TBL1XR1: variants seen among roughly 807,000 people sequenced by gnomAD.
TBL1XR1 encodes the protein TBL1X/Y related 1.
In TBL1XR1, 5 loss-of-function variants were observed where a neutral mutation model predicts 66.9. The observed-to-expected ratio is 0.07, with a 90% CI of 0.04 to 0.16. The LOEUF (loss-of-function observed/expected upper bound fraction) is 0.16, where lower values mean the gene tolerates loss of function less well. Ranked by LOEUF, TBL1XR1 falls within the 10% of genes least tolerant of loss-of-function variation. The pLI, the probability that TBL1XR1 is intolerant of heterozygous loss-of-function variation, is 1.00. For synonymous variants in TBL1XR1, 210 were observed against 206.0 expected, an observed-to-expected ratio of 1.02 and a Z score of -0.17; for missense variants, 238 against 623.2, an observed-to-expected ratio of 0.38 and a Z score of 6.58.
intron 7 of TBL1XR1, among the ~76,000 whole-genome samples, chr3:177,049,402 T>C (rs1716749533): frequency 6.6e-6 from 1 of 152,138 alleles, no homozygotes; most frequent in Non-Finnish European, 1.5e-5. Flanking sequence ...GAAGTCAAAG[T>C]TTTTTGTAAG....
chr3:177,126,307 T>A (rs1727625342), intron 1 of TBL1XR1, among the ~76,000 whole-genome samples: 1 of 152,232 alleles, frequency 6.6e-6, no homozygotes, highest in African/African-American at 2.4e-5. Flanking sequence ...GGATCACACT[T>A]TGAGAACTAC....
intron 1 of TBL1XR1, among the ~76,000 whole-genome samples, chr3:177,120,223 C>A (rs1726824326): frequency 6.6e-6 from 1 of 152,012 alleles, no homozygotes; most frequent in Non-Finnish European, 1.5e-5. Context: ...TAATGGCTTT[C>A]CCTTTTCCTC....
intron 3 of TBL1XR1, among the ~76,000 whole-genome samples, chr3:177,058,907 G>A (rs1206610616): frequency 6.6e-6 from 1 of 152,066 alleles, no homozygotes; most frequent in East Asian, 1.9e-4. Flanking sequence ...TACAAAAAGA[G>A]GAGAAAAACT....
chr3:177,159,780 A>G (rs1307855799), intron 1 of TBL1XR1, among the ~76,000 whole-genome samples: 1 of 152,236 alleles, frequency 6.6e-6, no homozygotes, highest in East Asian at 1.9e-4. Flanking sequence ...AGTAAAGACT[A>G]ATGATGGCCA....
intron 1 of TBL1XR1, among the ~76,000 whole-genome samples, chr3:177,189,664 A>AAAAATTAAAACTTC (rs57549428): frequency 1.4e-5 from 2 of 141,884 alleles, no homozygotes; most frequent in Non-Finnish European, 1.5e-5. Context: ...AAAAAAAAAA[A>AAAAATTAAAACTTC]AGAAGGATGT....
intron 1 of TBL1XR1, among the ~76,000 whole-genome samples, chr3:177,117,916 A>G (rs781153170): frequency 4.6e-5 from 7 of 152,230 alleles, no homozygotes; most frequent in African/African-American, 1.4e-4. Flanking sequence ...TGACCCCCTC[A>G]ATTTGCTATT....
chr3:177,080,672 T>G (rs1721285873), intron 2 of TBL1XR1, among the ~76,000 whole-genome samples: 1 of 151,976 alleles, frequency 6.6e-6, no homozygotes, highest in African/African-American at 2.4e-5. Context: ...TTTAAAAGAG[T>G]GTCTCCATGT....
intron 2 of TBL1XR1, among the ~76,000 whole-genome samples, chr3:177,071,031 G>GT (rs764951521): frequency 0.11 from 11,398 of 104,610 alleles, 1,073 homozygotes; most frequent in Admixed American, 0.18. Context: ...CTGAGAATCT[G>GT]TTTTTTTTTT....
At chr3:177,025,748 G>A (rs530166023) in intron 15 of TBL1XR1, among the ~76,000 whole-genome samples, 4 of 152,188 alleles carry the variant, frequency 2.6e-5, no homozygotes, top group South Asian at 2.1e-4. Flanking sequence ...GAAGAACCAC[G>A]GCTAGGATTT....
At chr3:177,191,007 A>C (rs772215720) in intron 1 of TBL1XR1, among the ~76,000 whole-genome samples, 1 of 152,196 alleles carries the variant, frequency 6.6e-6, no homozygotes, top group Non-Finnish European at 1.5e-5. Flanking sequence ...GATTCATGGA[A>C]GAAGGGGGAC....
chr3:177,186,424 C>A (rs1735416482), intron 1 of TBL1XR1, among the ~76,000 whole-genome samples: 1 of 152,110 alleles, frequency 6.6e-6, no homozygotes, highest in African/African-American at 2.4e-5. Context: ...AAGATAAATT[C>A]ATTATCTATT....
chr3:177,182,189 C>G (rs1734907043), intron 1 of TBL1XR1, among the ~76,000 whole-genome samples: 1 of 152,030 alleles, frequency 6.6e-6, no homozygotes, highest in Admixed American at 6.6e-5. Flanking sequence ...GAGTTCAAGA[C>G]CAGCCTGGGC....
rs770659513 is a variant in TBL1XR1 at position 177,038,135 on chromosome 3, T to G, written c.1085A>C (p.Asn362Thr). The G allele has an allele frequency of 6.2e-7, 1 of 1,612,972 alleles. No homozygotes were observed. Among genetic ancestry groups the G allele is most frequent in the Non-Finnish European group, 8.5e-7 (1 of 1,179,826 alleles). The change falls in exon 12 of 16, where the codon AAT (asparagine) becomes ACT (threonine). Residue 362 changes from asparagine to threonine, a missense_variant. Physicochemically the swap from Asn to Thr is moderately conservative, Grantham distance 65. Around this residue, in one of 8 missense-constraint regions of TBL1XR1, gnomAD observed 89 missense variants for 220.2 expected, o/e 0.40. Transcript: ENST00000457928. ...GTCGTCAGAACAGGAGGCCAAGAGA[T>G]TGCCAGTTGGGTCCCATTTGATAGC... ...VNAIKWDPTG[N>T]LLASCSDDMT...
At chr3:177,180,320 A>G (rs1734664041) in intron 1 of TBL1XR1, among the ~76,000 whole-genome samples, 1 of 151,328 alleles carries the variant, frequency 6.6e-6, no homozygotes, top group Non-Finnish European at 1.5e-5. Flanking sequence ...ACTTTAATCT[A>G]CAGACAAGTA....
At chr3:177,108,168 A>T (rs1037271506) in intron 1 of TBL1XR1, among the ~76,000 whole-genome samples, 1 of 152,168 alleles carries the variant, frequency 6.6e-6, no homozygotes, top group Admixed American at 6.5e-5. Context: ...CATTTTTTTA[A>T]ATCAAATAAA....
At chr3:177,060,673 A>G (rs201540427) in intron 3 of TBL1XR1, among the ~76,000 whole-genome samples, 1 of 152,244 alleles carries the variant, frequency 6.6e-6, no homozygotes, top group Non-Finnish European at 1.5e-5. Context: ...CAAATAACTA[A>G]AGAAGTCAAT....
chr3:177,200,272 G>A (rs1022889550), upstream of TBL1XR1, among the ~76,000 whole-genome samples: 1 of 152,162 alleles, frequency 6.6e-6, no homozygotes, highest in African/African-American at 2.4e-5. Context: ...GTGCCCGGCA[G>A]CCTGGAGTGT....
At chr3:177,048,435 C>G (rs1716609763) in intron 7 of TBL1XR1, among the ~76,000 whole-genome samples, 1 of 152,126 alleles carries the variant, frequency 6.6e-6, no homozygotes, top group Non-Finnish European at 1.5e-5. Context: ...TCACCTATTT[C>G]ACATCTCTCA....
chr3:177,189,207 C>G (rs1735810147), intron 1 of TBL1XR1, among the ~76,000 whole-genome samples: 1 of 148,996 alleles, frequency 6.7e-6, no homozygotes, highest in South Asian at 2.1e-4. Context: ...GTCTTTGTCT[C>G]AAAATAAAAA....
Sources: allele counts gnomAD v4.1 joint callset (sites outside exome capture counted in the v4.1 genomes callset), GRCh38; gene constraint gnomAD v4.1.1; regional missense constraint gnomAD v4.1.1; transcripts MANE v1.5; gene names NCBI Gene and HGNC (gene_info 2026-07-23, HGNC 2026-07-21).